Variants in PIAS1 observed in about 807,000 individuals in gnomAD.
PIAS1 encodes E3 SUMO-protein ligase PIAS1.
A neutral mutation model predicts 71.3 loss-of-function variants in PIAS1; 6 were observed. The observed-to-expected ratio is 0.08, with a 90% CI of 0.05 to 0.17. The LOEUF (loss-of-function observed/expected upper bound fraction) is 0.17. Among genes scored for constraint, PIAS1 ranks in the 10% least tolerant of loss-of-function variants. The pLI, the probability that PIAS1 is intolerant of heterozygous loss-of-function variation, is 1.00. For missense variants in PIAS1, 555 were observed against 793.6 expected (o/e 0.70, Z 3.61); for synonymous variants, 303 against 292.9 (o/e 1.03, Z -0.35).
chr15:68,089,511 C>A (rs2092315454), intron 2 of PIAS1, among the ~76,000 whole-genome samples: 1 of 152,184 alleles, frequency 6.6e-6, no homozygotes, highest in South Asian at 2.1e-4. Context: ...CTTCCCCAGC[C>A]AGAATCAATT....
At chr15:68,115,648 G>A (rs79443209) in intron 2 of PIAS1, among the ~76,000 whole-genome samples, 3 of 151,998 alleles carry the variant, frequency 2.0e-5, no homozygotes, top group Admixed American at 6.6e-5. Flanking sequence ...ATTCTTTCAC[G>A]TCTCAGTAAA....
chr15:68,110,493 G>A (rs1257882417), intron 2 of PIAS1, among the ~76,000 whole-genome samples: 1 of 152,180 alleles, frequency 6.6e-6, no homozygotes, highest in African/African-American at 2.4e-5. Context: ...CTACTCAGGA[G>A]GCTGAGGCAG....
At chr15:68,125,348 C>G (rs1361510933) in intron 2 of PIAS1, among the ~76,000 whole-genome samples, 1 of 152,158 alleles carries the variant, frequency 6.6e-6, no homozygotes, top group South Asian at 2.1e-4. Flanking sequence ...ACACAGGATA[C>G]TCTGTCATCT....
At chr15:68,179,042 A>G (rs1208431590) in intron 11 of PIAS1, among the ~76,000 whole-genome samples, 3 of 152,246 alleles carry the variant, frequency 2.0e-5, no homozygotes, top group Admixed American at 2.0e-4. Flanking sequence ...GAAACTTGAA[A>G]GTTTACATCC....
chr15:68,084,552 A>G (rs1396682903), intron 1 of PIAS1, among the ~76,000 whole-genome samples: 3 of 152,196 alleles, frequency 2.0e-5, no homozygotes, highest in South Asian at 2.1e-4. Context: ...GGTTTACGTT[A>G]TATCTTTGCA....
intron 2 of PIAS1, among the ~76,000 whole-genome samples, chr15:68,116,629 A>C (rs1264351065): frequency 1.3e-5 from 2 of 151,444 alleles, no homozygotes; most frequent in African/African-American, 4.9e-5. Context: ...TTTGGGTTTC[A>C]TTTCTCTTCT....
In PIAS1 at chr15:68,054,811, C is replaced by T. The variant is rs544368662; in HGVS notation, c.24+461C>T. On this transcript the variant is annotated intron_variant, in intron 1 of 13. Transcript: ENST00000249636. The surrounding 1 kb of genome is among the most constrained non-coding windows in gnomAD (Gnocchi z 4.6). ...GCTCCTGTCAGGCGCTCTTCTCAGA[C>T]CCCCGGGAACTTGGCTTCGGCCGCC... 8.4e-3 allele frequency: 1,281 copies of T among 153,116 alleles called. 6 individuals carry two copies. Among genetic ancestry groups the T allele is most frequent in the Non-Finnish European group, 0.013 (907 of 68,602 alleles). The allele number at this position is 153,116 out of a possible 1,614,324, so 9.5% of individuals were successfully genotyped here.
intron 2 of PIAS1, among the ~76,000 whole-genome samples, chr15:68,137,234 A>T (rs1050984852): frequency 3.3e-5 from 5 of 152,242 alleles, no homozygotes; most frequent in Non-Finnish European, 5.9e-5. Flanking sequence ...AAGCCCAAAG[A>T]TATCCACAGA....
Position 68,167,004 on chromosome 15 carries a change from T to C in PIAS1, c.1008+2200T>C, listed in dbSNP as rs145513616. 3.1e-3 allele frequency among the ~76,000 whole-genome samples: 468 copies of C among 152,200 alleles called. 2 individuals carry two copies. The highest frequency in any genetic ancestry group is 0.02 in the Middle Eastern group (6 of 294). ...CCACACCCGGCTGATTTTTGCATTT[T>C]TTTGTAGAGACAAGGTCTTGATATG... On this transcript the variant is annotated intron_variant, in intron 8 of 13. Transcript: ENST00000249636. The surrounding 1 kb of genome is among the most constrained non-coding windows in gnomAD (Gnocchi z 4.4).
chr15:68,099,987 T>G (rs1473126191), intron 2 of PIAS1, among the ~76,000 whole-genome samples: 1 of 151,512 alleles, frequency 6.6e-6, no homozygotes, highest in Non-Finnish European at 1.5e-5. Flanking sequence ...GAATTACTTG[T>G]TTTTATATTA....
intron 7 of PIAS1, among the ~76,000 whole-genome samples, chr15:68,154,572 T>C (rs1161709153): frequency 1.3e-5 from 2 of 152,246 alleles, no homozygotes; most frequent in African/African-American, 4.8e-5. Context: ...GCTTTCCTTT[T>C]GTAGCATAGC....
chr15:68,116,026 A>G (rs1015893595), intron 2 of PIAS1, among the ~76,000 whole-genome samples: 22 of 152,152 alleles, frequency 1.4e-4, no homozygotes, highest in African/African-American at 5.1e-4. Flanking sequence ...TTTGGTACCA[A>G]AGTAGTACTG....
At chr15:68,160,193 A>G (rs1385785125) in intron 7 of PIAS1, among the ~76,000 whole-genome samples, 1 of 152,148 alleles carries the variant, frequency 6.6e-6, no homozygotes, top group Non-Finnish European at 1.5e-5. Context: ...GCCTAAATGA[A>G]AGTCACAAAC....
chr15:68,176,471 T>C lies in PIAS1; in HGVS notation c.1301-3T>C, dbSNP rs1193336835. The C allele has an allele frequency of 1.3e-6, 2 of 1,585,926 alleles. No homozygotes were observed. Among genetic ancestry groups the C allele is most frequent in the Non-Finnish European group, 8.6e-7 (1 of 1,167,940 alleles). ...GCCTTGTATTTTAATCATTCCCATA[T>C]AGGATGCTTGAGCTCCACATTGGAG... is the stretch of plus-strand genomic sequence containing the variant. On this transcript the variant is annotated splice_region_variant and splice_polypyrimidine_tract_variant and intron_variant, in intron 10 of 13. Coordinates refer to ENST00000249636, the MANE Select transcript of PIAS1 (RefSeq NM_016166.3).
chr15:68,136,797 A>G (rs927732865), intron 2 of PIAS1, among the ~76,000 whole-genome samples: 2 of 152,218 alleles, frequency 1.3e-5, no homozygotes, highest in African/African-American at 4.8e-5. Flanking sequence ...ATATAGCCCA[A>G]ATGAAATTTA....
chr15:68,189,953 T>C lies in PIAS1; in HGVS notation c.*2118T>C, dbSNP rs2093111436. 1.3e-5 allele frequency: 2 copies of C among 152,200 alleles called. No homozygotes were observed. The highest frequency in any genetic ancestry group is 1.3e-4 in the Admixed American group (2 of 15,280). 9.4% of individuals were successfully genotyped at this position (152,200 alleles called of 1,614,324 possible). A position where few individuals can be genotyped will look rare whatever the true frequency, so the allele number is the denominator to read the frequency against. On this transcript the variant is annotated 3_prime_UTR_variant, in exon 14 of 14. Coordinates refer to ENST00000249636, the MANE Select transcript of PIAS1 (RefSeq NM_016166.3). ...TGGGGAGTTTTTTCTGATTTTTACATTGCTTTAGGAAACATTTTTACTAAT... is the reference window on the plus strand; with the variant it reads ...TGGGGAGTTTTTTCTGATTTTTACACTGCTTTAGGAAACATTTTTACTAAT...
chr15:68,166,152 A>AT (rs2092956652), intron 8 of PIAS1, among the ~76,000 whole-genome samples: 1 of 152,128 alleles, frequency 6.6e-6, no homozygotes. Context: ...CATTGTGTAT[A>AT]TATCTTTCTA....
chr15:68,169,236 C>T (rs1328206393), intron 8 of PIAS1, among the ~76,000 whole-genome samples: 10 of 152,150 alleles, frequency 6.6e-5, no homozygotes, highest in Admixed American at 6.5e-5. Context: ...GATCTAAAAA[C>T]GTAACTTGGC....
Position 68,173,760 on chromosome 15 carries a change from G to T in PIAS1, c.1037G>T (p.Cys346Phe). The change falls in exon 9 of 14, where the codon TGT becomes TTT. Residue 346 changes from cysteine (C) to phenylalanine (F), a missense_variant. This residue lies in a region of PIAS1 where 49 missense variants were observed against 129.2 expected (regional missense o/e 0.38). Transcript: ENST00000249636. This position sits in a 1 kb window ranked among gnomAD's most constrained non-coding sequence, Gnocchi z 4.3. ...PLGKMRLTIPCRALTCSHLQC... is the reference protein window; with the variant it reads ...PLGKMRLTIPFRALTCSHLQC... ...GGTAAAATGCGGCTGACAATTCCGT[G>T]TCGGGCCCTTACATGTTCTCATCTA... 2 of 1,561,732 alleles carry T rather than the reference G, an allele frequency of 1.3e-6. No homozygotes were observed. Among genetic ancestry groups the T allele is most frequent in the African/African-American group, 1.4e-5 (1 of 73,774 alleles).
Sources: allele counts gnomAD v4.1 joint callset (sites outside exome capture counted in the v4.1 genomes callset), GRCh38; gene constraint gnomAD v4.1.1; regional missense constraint gnomAD v4.1.1; non-coding constraint Gnocchi (gnomAD v3.1); transcripts MANE v1.5; gene names NCBI Gene and HGNC (gene_info 2026-07-23, HGNC 2026-07-21).